Variants in PLPPR1 observed in about 807,000 individuals in gnomAD.
PLPPR1 encodes phospholipid phosphatase related 1.
PLPPR1 carries 10 observed loss-of-function variants against 33.1 expected under a neutral mutation model. The observed-to-expected ratio is 0.30, with a 90% CI of 0.19 to 0.51. The LOEUF (loss-of-function observed/expected upper bound fraction) is 0.51, where lower values mean the gene tolerates loss of function less well. Ranked by LOEUF, PLPPR1 falls within the 20% of genes least tolerant of loss-of-function variation. PLPPR1 has a pLI of 0.97. For synonymous variants in PLPPR1, 151 were observed against 151.0 expected, an observed-to-expected ratio of 1.00 and a Z score of 0.00; for missense variants, 304 against 408.1, an observed-to-expected ratio of 0.74 and a Z score of 2.20.
At chr9:101,287,878 G>C (rs1828423101) in intron 4 of PLPPR1, among the ~76,000 whole-genome samples, 1 of 152,128 alleles carries the variant, frequency 6.6e-6, no homozygotes, top group Non-Finnish European at 1.5e-5. Context: ...CTTTTCCCCA[G>C]GAGTAACGCA....
chr9:101,139,401 C>G (rs1406122379), intron 1 of PLPPR1, among the ~76,000 whole-genome samples: 1 of 152,184 alleles, frequency 6.6e-6, no homozygotes, highest in African/African-American at 2.4e-5. Context: ...GAGAATCTGA[C>G]TAGTTGGTCC....
chr9:101,126,482 G>A (rs760164768), intron 1 of PLPPR1, among the ~76,000 whole-genome samples: 16 of 152,128 alleles, frequency 1.1e-4, no homozygotes, highest in South Asian at 4.1e-4. Context: ...CTGCCACGGC[G>A]GGAGACAATT....
chr9:101,246,067 T>C (rs1474610802), intron 2 of PLPPR1, among the ~76,000 whole-genome samples: 8 of 54,808 alleles, frequency 1.5e-4, no homozygotes, highest in African/African-American at 2.5e-4. Flanking sequence ...TATATATATA[T>C]ATATATATAT....
chr9:101,210,630 G>A lies in PLPPR1; in HGVS notation c.63+25073G>A, dbSNP rs575194491. Among the ~76,000 whole-genome samples the A allele has an allele frequency of 2.0e-5, 3 of 152,214 alleles. No individual in the cohort carries two copies. The East Asian group carries it at 5.8e-4, about 29-fold the overall frequency. On this transcript the variant is annotated intron_variant, in intron 2 of 7. Transcript: ENST00000374874. ...TCAATTTTGTTGATAAAAATGGAGAGGCATTTAAAATCTAGAATTTAGAAG... is the reference window on the plus strand; with the variant it reads ...TCAATTTTGTTGATAAAAATGGAGAAGCATTTAAAATCTAGAATTTAGAAG...
chr9:101,229,426 A>G (rs537574163), intron 2 of PLPPR1, among the ~76,000 whole-genome samples: 1 of 152,228 alleles, frequency 6.6e-6, no homozygotes, highest in African/African-American at 2.4e-5. Context: ...TTTTCCATTT[A>G]TAAAACCAAT....
intron 2 of PLPPR1, among the ~76,000 whole-genome samples, chr9:101,226,474 C>A (rs1007315261): frequency 6.6e-6 from 1 of 152,126 alleles, no homozygotes; most frequent in Non-Finnish European, 1.5e-5. Context: ...AAGTGTGTTT[C>A]TCATAGTTCT....
chr9:101,166,223 T>C (rs990699889), intron 1 of PLPPR1, among the ~76,000 whole-genome samples: 3 of 152,118 alleles, frequency 2.0e-5, no homozygotes, highest in African/African-American at 7.2e-5. Flanking sequence ...GAACTTCCTA[T>C]ATAGGATTCC....
At chr9:101,310,573 G>A (rs368784021) in intron 5 of PLPPR1, among the ~76,000 whole-genome samples, 3 of 152,150 alleles carry the variant, frequency 2.0e-5, no homozygotes, top group South Asian at 2.1e-4. Flanking sequence ...GGAAGAAAAC[G>A]GGTCTGTGCC....
chr9:101,162,653 G>A (rs1234435038), intron 1 of PLPPR1, among the ~76,000 whole-genome samples: 1 of 152,170 alleles, frequency 6.6e-6, no homozygotes, highest in Non-Finnish European at 1.5e-5. Flanking sequence ...GGACATTCTA[G>A]CTTCAATCTT....
intron 4 of PLPPR1, among the ~76,000 whole-genome samples, chr9:101,293,794 A>C (rs1183265785): frequency 2.0e-5 from 3 of 152,182 alleles, no homozygotes; most frequent in African/African-American, 7.2e-5. Context: ...TCTGGGACAC[A>C]CTCAAAGTAG....
chr9:101,094,588 C>T (rs561010405), intron 1 of PLPPR1, among the ~76,000 whole-genome samples: 3 of 152,272 alleles, frequency 2.0e-5, no homozygotes, highest in East Asian at 1.9e-4. Context: ...AAAACTAAAA[C>T]ATGCAGCTAT....
Position 101,286,176 on chromosome 9 carries a change from A to G in PLPPR1, c.325A>G (p.Ile109Val). ...ATCCCTGATTGCTCAGGAGAAAACA[A>G]TTCTGACCGGAGAATGCTGTTACCT... ...RESLIAQEKT[I>V]LTGECCYLNP... The change falls in exon 4 of 8, where the codon ATT (isoleucine) becomes GTT (valine). Residue 109 changes from isoleucine to valine, a missense_variant. Ile to Val is a conservative substitution (Grantham distance 29). Coordinates refer to ENST00000374874, the MANE Select transcript of PLPPR1 (RefSeq NM_207299.2). 6.2e-7 allele frequency: 1 copy of G among 1,613,712 alleles called. No individual in the cohort carries two copies. Among genetic ancestry groups the G allele is most frequent in the Non-Finnish European group, 8.5e-7 (1 of 1,179,608 alleles).
chr9:101,072,681 T>C (rs775355755), intron 1 of PLPPR1, among the ~76,000 whole-genome samples: 1 of 152,166 alleles, frequency 6.6e-6, no homozygotes, highest in Non-Finnish European at 1.5e-5. Flanking sequence ...ATAATACATT[T>C]TTCAAATAAA....
chr9:101,048,721 A>G (rs1830182256), intron 1 of PLPPR1, among the ~76,000 whole-genome samples: 1 of 152,226 alleles, frequency 6.6e-6, no homozygotes, highest in Non-Finnish European at 1.5e-5. Flanking sequence ...GAATATACAT[A>G]CTTCAATAGC....
intron 2 of PLPPR1, among the ~76,000 whole-genome samples, chr9:101,186,518 C>A (rs963098019): frequency 6.6e-6 from 1 of 151,744 alleles, no homozygotes; most frequent in African/African-American, 2.4e-5. Context: ...ACTTTATTAT[C>A]CATATAAAAA....
intron 1 of PLPPR1, among the ~76,000 whole-genome samples, chr9:101,062,151 TGTGTGTG>T (rs1373457103): frequency 5.1e-5 from 1 of 19,452 alleles, no homozygotes; most frequent in African/African-American, 1.8e-4. Context: ...CAAAATGTGG[TGTGTGTG>T]TGTGTGTGTG....
At chr9:101,295,957 C>G (rs1378802123) in intron 4 of PLPPR1, among the ~76,000 whole-genome samples, 3 of 149,104 alleles carry the variant, frequency 2.0e-5, no homozygotes, top group African/African-American at 7.4e-5. Flanking sequence ...CAAATGGGAT[C>G]TAATTAAACT....
At chr9:101,253,861 A>G (rs1380987635) in intron 2 of PLPPR1, among the ~76,000 whole-genome samples, 1 of 152,114 alleles carries the variant, frequency 6.6e-6, no homozygotes, top group African/African-American at 2.4e-5. Context: ...TATGCCCTTA[A>G]ATATGTATAT....
At chr9:101,060,644 T>C (rs1830335434) in intron 1 of PLPPR1, among the ~76,000 whole-genome samples, 1 of 151,872 alleles carries the variant, frequency 6.6e-6, no homozygotes, top group Non-Finnish European at 1.5e-5. Context: ...ATAATTTAGA[T>C]AATTAACACA....
Sources: allele counts gnomAD v4.1 joint callset (sites outside exome capture counted in the v4.1 genomes callset), GRCh38; gene constraint gnomAD v4.1.1; transcripts MANE v1.5; gene names NCBI Gene and HGNC (gene_info 2026-07-23, HGNC 2026-07-21).